GOLGA2: variants seen among roughly 807,000 people sequenced by gnomAD.
GOLGA2 encodes golgin A2, also known as golgin subfamily A member 2.
A neutral mutation model predicts 148.8 loss-of-function variants in GOLGA2; 49 were observed. The ratio of observed to expected loss-of-function variants is 0.33; its 90% CI spans 0.26 to 0.42. The LOEUF is 0.42. GOLGA2 is among the 10% of genes least tolerant of loss of function. The pLI is 1.00. For missense variants in GOLGA2, 1,178 were observed against 1,304.6 expected, an observed-to-expected ratio of 0.90 and a Z score of 1.49; for synonymous variants, 501 against 511.8, an observed-to-expected ratio of 0.98 and a Z score of 0.28.
chr9:128,275,133 G>A (rs1250252637), intron 1 of GOLGA2, among the ~76,000 whole-genome samples: 2 of 152,222 alleles, frequency 1.3e-5, no homozygotes, highest in Admixed American at 6.5e-5. Flanking sequence ...CACGGGTGAA[G>A]TGTAGGCTTT....
chr9:128,263,155 ACAACAG>A (rs896018419), intron 12 of GOLGA2, 63 bp from the exon 13 acceptor site: 1 of 909,922 alleles, frequency 1.1e-6, no homozygotes. Context: ...CCAACCAGTA[ACAACAG>A]CTACAGTAAG....
In GOLGA2 at chr9:128,261,825, A is replaced by G; in HGVS notation, c.1135-68T>C. Reference sequence around the variant, plus strand: ...GCCGTTCCAAATAGTGCCCCTTAAAAGGGCTAGGGCTAGGCTCAATGTGCA... The same window carrying G: ...GCCGTTCCAAATAGTGCCCCTTAAAGGGGCTAGGGCTAGGCTCAATGTGCA... On this transcript the variant is annotated intron_variant, in intron 14 of 26. Transcript: ENST00000611957. This position sits in a 1 kb window ranked among gnomAD's most constrained non-coding sequence, Gnocchi z 5.7. 1 of 904,454 alleles carries G rather than the reference A, an allele frequency of 1.1e-6. No homozygotes were observed. Among genetic ancestry groups the G allele is most frequent in the Non-Finnish European group, 1.9e-6 (1 of 536,736 alleles). The allele number at this position is 904,454 out of a possible 1,614,324, so 56.0% of individuals were successfully genotyped here.
chr9:128,261,355 C>G lies in GOLGA2; in HGVS notation c.1333-96G>C. The G allele has an allele frequency of 1.6e-6, 2 of 1,226,452 alleles. No individual in the cohort carries two copies. The highest frequency in any genetic ancestry group is 2.4e-6 in the Non-Finnish European group (2 of 827,018). The allele number at this position is 1,226,452 out of a possible 1,614,324, so 76.0% of individuals were successfully genotyped here. On this transcript the variant is annotated intron_variant, in intron 16 of 26. Coordinates refer to ENST00000611957, the MANE Select transcript of GOLGA2 (RefSeq NM_001366244.2). The surrounding 1 kb of genome is among the most constrained non-coding windows in gnomAD (Gnocchi z 5.7). ...CCCCCACCGCCACAAAGCCCAGACC[C>G]ATGACCACCTCTGGCTGTGCTCCTC... is the stretch of plus-strand genomic sequence containing the variant.
intron 2 of GOLGA2, 58 bp downstream of exon 2, chr9:128,273,792 T>C: frequency 6.3e-7 from 1 of 1,582,470 alleles, no homozygotes; most frequent in Non-Finnish European, 8.7e-7. Flanking sequence ...TCATAACAAT[T>C]ACCCTCTACT....
chr9:128,258,932 C>A lies in GOLGA2; in HGVS notation c.2173+75G>T. Reference sequence around the variant, plus strand: ...GCTGTTCTAAAGGTCTCTTCCAACTCCTCAATTCTACGCTGCTAACAGTCC... The same window carrying A: ...GCTGTTCTAAAGGTCTCTTCCAACTACTCAATTCTACGCTGCTAACAGTCC... On this transcript the variant is annotated intron_variant, in intron 21 of 26. Coordinates refer to ENST00000611957, the MANE Select transcript of GOLGA2 (RefSeq NM_001366244.2). This position sits in a 1 kb window ranked among gnomAD's most constrained non-coding sequence, Gnocchi z 6.6. 1 of 1,016,432 alleles carries A rather than the reference C, an allele frequency of 9.8e-7. No homozygotes were observed. The highest frequency in any genetic ancestry group is 1.6e-5 in the African/African-American group (1 of 63,844). The allele number at this position is 1,016,432 out of a possible 1,614,324, so 63.0% of individuals were successfully genotyped here.
At chr9:128,275,175 A>C in intron 1 of GOLGA2, among the ~76,000 whole-genome samples, 1 of 152,172 alleles carries the variant, frequency 6.6e-6, no homozygotes, top group East Asian at 1.9e-4. Flanking sequence ...TAAGGGTGTA[A>C]GGCAGCCTGA....
chr9:128,264,836 C>T (rs1830499288), intron 12 of GOLGA2, among the ~76,000 whole-genome samples: 1 of 152,166 alleles, frequency 6.6e-6, no homozygotes, highest in Non-Finnish European at 1.5e-5. Flanking sequence ...AATGCTTCAC[C>T]AGGCACCATG....
rs532676126 is a variant in GOLGA2, at chr9:128,263,373, C to T, written c.934-281G>A. 2.2e-3 allele frequency among the ~76,000 whole-genome samples: 329 copies of T among 152,284 alleles called. 10 individuals carry two copies. In the South Asian group the frequency reaches 0.053, roughly 25 times the overall value. ...CCAAGTGACTCTCCTGCCTCAGCCT[C>T]CTGAGTAGCTGGGACTATAGGCGTG... On this transcript the variant is annotated intron_variant, in intron 12 of 26. Transcript: ENST00000611957.
chr9:128,265,522 T>C, intron 12 of GOLGA2, 63 bp downstream of exon 12: 1 of 1,202,970 alleles, frequency 8.3e-7, no homozygotes, highest in Non-Finnish European at 1.2e-6. Context: ...AAGGGACCTT[T>C]AGGCTCACTC....
At chr9:128,264,146 C>T (rs1355102898) in intron 12 of GOLGA2, among the ~76,000 whole-genome samples, 1 of 149,382 alleles carries the variant, frequency 6.7e-6, no homozygotes, top group Non-Finnish European at 1.5e-5. Flanking sequence ...GCCTGGGCAA[C>T]AGAGTGAGAC....
chr9:128,274,754 T>G (rs1009475725), intron 1 of GOLGA2, among the ~76,000 whole-genome samples: 3 of 152,184 alleles, frequency 2.0e-5, no homozygotes, highest in Admixed American at 2.0e-4. Context: ...TCTTAGAAAT[T>G]TATGTGACTG....
rs754373393 is a variant in GOLGA2 at position 128,260,211 on chromosome 9, G to C, written c.1759-22C>G. On this transcript the variant is annotated intron_variant, in intron 18 of 26. Transcript: ENST00000611957. This position sits in a 1 kb window ranked among gnomAD's most constrained non-coding sequence, Gnocchi z 4.8. Reference sequence around the variant, plus strand: ...TAGTCTGGACAGAGAGAAGCAATCAGCGGCCACCCACTGCAGCTGGAGACC... The same window carrying C: ...TAGTCTGGACAGAGAGAAGCAATCACCGGCCACCCACTGCAGCTGGAGACC... 6.4e-7 allele frequency: 1 copy of C among 1,554,394 alleles called. No individual in the cohort carries two copies. The highest frequency in any genetic ancestry group is 8.8e-7 in the Non-Finnish European group (1 of 1,134,714).
chr9:128,258,886 A>AC lies in GOLGA2; in HGVS notation c.2173+120dup. On this transcript the variant is annotated intron_variant, in intron 21 of 26. Transcript: ENST00000611957. This position sits in a 1 kb window ranked among gnomAD's most constrained non-coding sequence, Gnocchi z 6.6. ...TATTGATGCCGAACTTAGTGTGGAC[A>AC]CCCAGTTGGCATAATGACCAGCTGT... 1.3e-6 allele frequency: 1 copy of AC among 754,074 alleles called. No individual in the cohort carries two copies. Among genetic ancestry groups the AC allele is most frequent in the South Asian group, 1.6e-5 (1 of 63,466 alleles). The allele number at this position is 754,074 out of a possible 1,614,324, so 46.7% of individuals were successfully genotyped here. A position where few individuals can be genotyped will look rare whatever the true frequency, so the allele number is the denominator to read the frequency against.
At chr9:128,264,390 A>G (rs1211644979) in intron 12 of GOLGA2, among the ~76,000 whole-genome samples, 1 of 149,076 alleles carries the variant, frequency 6.7e-6, no homozygotes, top group East Asian at 2.0e-4. Context: ...ATGCGCCATC[A>G]TGCCTGGCTA....
Position 128,260,797 on chromosome 9 carries a change from G to C in GOLGA2, c.1426C>G (p.Pro476Ala). 2 of 1,599,000 alleles carry C rather than the reference G, an allele frequency of 1.3e-6. No individual in the cohort carries two copies. Among genetic ancestry groups the C allele is most frequent in the Non-Finnish European group, 1.7e-6 (2 of 1,171,528 alleles). Residue 476 changes from proline (P) to alanine (A), a missense_variant, in exon 18 of 27, where the codon CCC becomes GCC. Pro to Ala is a conservative substitution (Grantham distance 27). Transcript: ENST00000611957. This position sits in a 1 kb window ranked among gnomAD's most constrained non-coding sequence, Gnocchi z 4.8. The stretch of plus-strand genomic sequence containing the variant: ...CCTGCTGGGGGCTCTGGGGGCGGGG[G>C]TTCAGCTGAGAAAGGACGCAGACAA... ...LAELRNQMAEPPPPEPPAGPS... is the reference protein window; with the variant it reads ...LAELRNQMAEAPPPEPPAGPS...
In GOLGA2 at chr9:128,258,466, G is replaced by A. The variant is rs753462027; in HGVS notation, c.2278C>T (p.Arg760Trp). ...GGAGTCAGCCTCACCATGGCTTCCC[G>A]GCTCTCCAGGTCCTCCGGGATGCTT... is the stretch of plus-strand genomic sequence containing the variant. ...MPSIPEDLES[R>W]EAMVAFFNSA... The change falls in exon 22 of 27, where the codon CGG (arginine) becomes TGG (tryptophan). Residue 760 changes from arginine (R) to tryptophan (W), a missense_variant. Physicochemically the swap from Arg to Trp is moderately radical, Grantham distance 101. This residue lies in a region of GOLGA2 where 529 missense variants were observed against 521.8 expected (regional missense o/e 1.01). Transcript: ENST00000611957. This position sits in a 1 kb window ranked among gnomAD's most constrained non-coding sequence, Gnocchi z 6.6. The A allele has an allele frequency of 1.7e-5, 28 of 1,612,880 alleles. No homozygotes were observed. Among genetic ancestry groups the A allele is most frequent in the Middle Eastern group, 1.6e-4 (1 of 6,072 alleles).
rs752939061 is a variant in GOLGA2 at position 128,265,960 on chromosome 9, C to G, written c.732+10G>C. Reference sequence around the variant, plus strand: ...AGAGGACAGGACGGAACTTCACACCCTCCACTCACCTGTAACTGCTCCCTT... The same window carrying G: ...AGAGGACAGGACGGAACTTCACACCGTCCACTCACCTGTAACTGCTCCCTT... On this transcript the variant is annotated intron_variant, in intron 10 of 26. Transcript: ENST00000611957. 1 of 1,611,242 alleles carries G rather than the reference C, an allele frequency of 6.2e-7. No homozygotes were observed. The highest frequency in any genetic ancestry group is 8.5e-7 in the Non-Finnish European group (1 of 1,177,322).
chr9:128,267,090 G>A (rs965889736), intron 8 of GOLGA2, 104 bp downstream of exon 8: 16 of 826,574 alleles, frequency 1.9e-5, no homozygotes, highest in Admixed American at 1.6e-4. Context: ...CTCCCCATTC[G>A]CCCTTGGCAC....
rs748315189 is a variant in GOLGA2 at position 128,260,530 on chromosome 9, C to T, written c.1693G>A (p.Ala565Thr). 26 of 1,613,332 alleles carry T rather than the reference C, an allele frequency of 1.6e-5. 1 individual carries two copies. The highest frequency in any genetic ancestry group is 3.3e-5 in the South Asian group (3 of 91,084). Residue 565 changes from alanine (A) to threonine (T), a missense_variant, in exon 18 of 27, where the codon GCA becomes ACA. By Grantham distance (58) the Ala-to-Thr change is moderately conservative (BLOSUM62 0). Transcript: ENST00000611957. This position sits in a 1 kb window ranked among gnomAD's most constrained non-coding sequence, Gnocchi z 4.8. ...TTGAGCTCCCGGTTCTGGGAGAGTG[C>T]GCGGCTGATGGTAGTGCGGTCGTTC... ...MQNDRTTISR[A>T]LSQNRELKEQ... is the part of the protein sequence containing the mutation.
Sources: gnomAD v4.1 joint callset for allele counts (sites outside exome capture counted in the v4.1 genomes callset) on GRCh38, gnomAD v4.1.1 for gene constraint, gnomAD v4.1.1 regional missense constraint, Gnocchi (gnomAD v3.1) non-coding constraint, MANE v1.5 for transcripts, NCBI Gene and HGNC (gene_info 2026-07-23, HGNC 2026-07-21) for gene names.